ZNF805: variants seen among roughly 807,000 people sequenced by gnomAD.
ZNF805 encodes the protein zinc finger protein 805, also known as CTC-444N24.8.
Under a neutral mutation model 13.6 loss-of-function variants are expected in ZNF805, and 7 were observed. That is an observed-to-expected ratio of 0.51 (90% CI 0.29 to 0.97). ZNF805 has a LOEUF of 0.97. ZNF805 is among the 50% of genes least tolerant of loss of function. ZNF805 has a pLI of 0.08. For synonymous variants in ZNF805, 293 were observed against 279.8 expected, an observed-to-expected ratio of 1.05 and a Z score of -0.47; for missense variants, 604 against 771.0, an observed-to-expected ratio of 0.78 and a Z score of 2.57.
intron 3 of ZNF805, among the ~76,000 whole-genome samples, chr19:57,249,630 A>G (rs895955404): frequency 6.6e-6 from 1 of 151,722 alleles, no homozygotes; most frequent in Non-Finnish European, 1.5e-5. Context: ...TACTCTCCCA[A>G]TTTCTCTTTC....
chr19:57,246,397 G>A (rs1456473793), intron 2 of ZNF805, among the ~76,000 whole-genome samples: 3 of 152,158 alleles, frequency 2.0e-5, no homozygotes, highest in African/African-American at 7.2e-5. Context: ...CTGCCATCAA[G>A]ACAAGTGACT....
rs10404421 is a variant in ZNF805 at position 57,257,787 on chromosome 19, A to T, written c.*3084A>T. ...AGTGGTGCGATCTCCGCTCACTGCA[A>T]CCTCCGCCTCCTGGGTTCAAGTGAT... On this transcript the variant is annotated 3_prime_UTR_variant, in exon 4 of 4. Transcript: ENST00000414468. 7.2e-6 allele frequency among the ~76,000 whole-genome samples: 1 copy of T among 139,152 alleles called. No individual in the cohort carries two copies. Among genetic ancestry groups the T allele is most frequent in the East Asian group, 2.1e-4 (1 of 4,750 alleles). 91.3% of individuals were successfully genotyped at this position (139,152 alleles called of 152,430 possible). A position where few individuals can be genotyped will look rare whatever the true frequency, so the allele number is the denominator to read the frequency against.
chr19:57,246,559 C>T (rs1416921905), intron 2 of ZNF805, among the ~76,000 whole-genome samples: 1 of 152,004 alleles, frequency 6.6e-6, no homozygotes, highest in Non-Finnish European at 1.5e-5. Context: ...AGGCAGATCA[C>T]GAGGTCAGTT....
chr19:57,245,546 G>C (rs34133258), intron 2 of ZNF805, among the ~76,000 whole-genome samples: 3,147 of 150,834 alleles, frequency 0.021, 113 homozygotes, highest in African/African-American at 0.072. Flanking sequence ...TTGGGAGGCC[G>C]AGATGGGCGG....
chr19:57,252,738 C>T (rs1416997408), intron 3 of ZNF805, among the ~76,000 whole-genome samples: 3 of 152,118 alleles, frequency 2.0e-5, no homozygotes, highest in Admixed American at 2.0e-4. Flanking sequence ...CTTTCTGGTG[C>T]CACCAGACCT....
chr19:57,246,255 C>T (rs970656023), intron 2 of ZNF805, among the ~76,000 whole-genome samples: 1 of 152,138 alleles, frequency 6.6e-6, no homozygotes, highest in Non-Finnish European at 1.5e-5. Flanking sequence ...CTCACTGCAA[C>T]CTGTGCCTCC....
chr19:57,252,843 A>G (rs1185856041), intron 3 of ZNF805, among the ~76,000 whole-genome samples: 1 of 151,806 alleles, frequency 6.6e-6, no homozygotes, highest in Non-Finnish European at 1.5e-5. Flanking sequence ...CGATATCTCC[A>G]CTCTAGGCCC....
Position 57,256,680 on chromosome 19 carries a change from G to A in ZNF805, c.*1977G>A, listed in dbSNP as rs2087689157. On this transcript the variant is annotated 3_prime_UTR_variant, in exon 4 of 4. Transcript: ENST00000414468. ...TGTTCCTTGTTGTATTCTTGATATT[G>A]GAAATGTATCACTTATTATTGTCAG... Among the ~76,000 whole-genome samples, 1 of 151,958 alleles carries A rather than the reference G, an allele frequency of 6.6e-6. No individual in the cohort carries two copies. The highest frequency in any genetic ancestry group is 1.5e-5 in the Non-Finnish European group (1 of 67,930).
At position 57,257,620 on chromosome 19, in the gene ZNF805, T is replaced by C. The variant is rs1024436975; in HGVS notation, c.*2917T>C. ...CACTTCATCATTTTTTTAAACCTTA[T>C]CTATATCACTATATTGGGAGTAAGT... On this transcript the variant is annotated 3_prime_UTR_variant, in exon 4 of 4. Transcript: ENST00000414468. Among the ~76,000 whole-genome samples, 3 of 152,038 alleles carry C rather than the reference T, an allele frequency of 2.0e-5. No individual in the cohort carries two copies. The highest frequency in any genetic ancestry group is 7.2e-5 in the African/African-American group (3 of 41,416).
chr19:57,262,083 G>A lies in ZNF805; in HGVS notation c.*7380G>A, dbSNP rs985621436. The A allele has an allele frequency of 6.0e-6, 1 of 166,496 alleles. No individual in the cohort carries two copies. Among genetic ancestry groups the A allele is most frequent in the Non-Finnish European group, 1.5e-5 (1 of 68,110 alleles). 10.3% of individuals were successfully genotyped at this position (166,496 alleles called of 1,614,324 possible). A position where few individuals can be genotyped will look rare whatever the true frequency, so the allele number is the denominator to read the frequency against. ...AGGTGTTCAGCGTAAGACAATTTAG[G>A]CACACGGAGCTACTTCTCATTACTG... is the stretch of plus-strand genomic sequence containing the variant. On this transcript the variant is annotated 3_prime_UTR_variant, in exon 4 of 4. Transcript: ENST00000414468.
At chr19:57,242,903 CTT>C (rs112613573) in intron 1 of ZNF805, among the ~76,000 whole-genome samples, 3 of 152,300 alleles carry the variant, frequency 2.0e-5, no homozygotes, top group African/African-American at 7.2e-5. Flanking sequence ...AATCCTGTCT[CTT>C]ATATATAAAT....
rs1301293231 is a variant in ZNF805, at chr19:57,260,447, T to C, written c.*5744T>C. ...CTAAATGGCTTCCACCACCGTTGCC[T>C]GACTTAAGCACGTCTCAGAAAGGTC... On this transcript the variant is annotated 3_prime_UTR_variant, in exon 4 of 4. Transcript: ENST00000414468. 2.0e-5 allele frequency among the ~76,000 whole-genome samples: 3 copies of C among 152,194 alleles called. No homozygotes were observed. Among genetic ancestry groups the C allele is most frequent in the Non-Finnish European group, 2.9e-5 (2 of 68,042 alleles).
chr19:57,240,835 G>T lies in ZNF805; in HGVS notation c.-57G>T, dbSNP rs2087574355. ...GAAGGGGTGGGGCTCGGCTGAGCCCGCGAGACCCGCCCTGCTCGCCGCAGC... is the reference window on the plus strand; with the variant it reads ...GAAGGGGTGGGGCTCGGCTGAGCCCTCGAGACCCGCCCTGCTCGCCGCAGC... On this transcript the variant is annotated 5_prime_UTR_variant, in exon 1 of 4. Transcript: ENST00000414468. The T allele has an allele frequency of 1.3e-6, 2 of 1,527,400 alleles. No homozygotes were observed. Among genetic ancestry groups the T allele is most frequent in the African/African-American group, 2.8e-5 (2 of 71,956 alleles). 94.6% of individuals were successfully genotyped at this position (1,527,400 alleles called of 1,614,324 possible). A position where few individuals can be genotyped will look rare whatever the true frequency, so the allele number is the denominator to read the frequency against.
chr19:57,248,467 G>A (rs3826971), intron 2 of ZNF805, 138 bp from the exon 3 acceptor site: 136,066 of 738,150 alleles, frequency 0.18, 14,077 homozygotes, highest in African/African-American at 0.34. Context: ...TCTAGATCAC[G>A]TGCTAACTTT....
chr19:57,245,998 T>C (rs4801448), intron 2 of ZNF805, among the ~76,000 whole-genome samples: 129,385 of 152,220 alleles, frequency 0.85, 55,151 homozygotes, highest in African/African-American at 0.91. Context: ...GAGAGACACT[T>C]GAGGAAGTTG....
chr19:57,254,710 C>G lies in ZNF805; in HGVS notation c.*7C>G. ...ACAAGTGTCTTCACTGTGAGAAAAC[C>G]TTCTGTTGCCAAATGTCATTTGTCA... On this transcript the variant is annotated 3_prime_UTR_variant, in exon 4 of 4. Transcript: ENST00000414468. 6.3e-7 allele frequency: 1 copy of G among 1,595,844 alleles called. No individual in the cohort carries two copies. The highest frequency in any genetic ancestry group is 8.5e-7 in the Non-Finnish European group (1 of 1,171,226).
chr19:57,241,167 A>C (rs1157204844), intron 1 of ZNF805, among the ~76,000 whole-genome samples: 3 of 152,050 alleles, frequency 2.0e-5, no homozygotes, highest in Non-Finnish European at 4.4e-5. Flanking sequence ...TTTTGTAGCA[A>C]CCTGCCCAGG....
chr19:57,254,557 C>G lies in ZNF805; in HGVS notation c.1738C>G (p.Gln580Glu). 1 of 1,614,184 alleles carries G rather than the reference C, an allele frequency of 6.2e-7. No homozygotes were observed. Among genetic ancestry groups the G allele is most frequent in the Non-Finnish European group, 8.5e-7 (1 of 1,180,036 alleles). The part of the protein sequence containing the change: ...TDVGRPFTSG[Q>E]TSVNIQELLL... Reference sequence around the variant, plus strand: ...TGTGGGAAGACCTTTTACAAGTGGGCAGACCTCAGTCAACATCCAAGAACT... The same window carrying G: ...TGTGGGAAGACCTTTTACAAGTGGGGAGACCTCAGTCAACATCCAAGAACT... The change falls in exon 4 of 4, where the codon CAG (glutamine) becomes GAG (glutamate). Residue 580 changes from glutamine to glutamate, a missense_variant. Physicochemically the swap from Gln to Glu is conservative, Grantham distance 29. This residue lies in a region of ZNF805 where 228 missense variants were observed against 352.8 expected (regional missense o/e 0.65). Transcript: ENST00000414468.
At chr19:57,252,667 T>G (rs1333193722) in intron 3 of ZNF805, among the ~76,000 whole-genome samples, 1 of 152,214 alleles carries the variant, frequency 6.6e-6, no homozygotes, top group Non-Finnish European at 1.5e-5. Context: ...CTTCGTCCCT[T>G]TTCCAGAGTT....
Sources: gnomAD v4.1 joint callset for allele counts (sites outside exome capture counted in the v4.1 genomes callset) on GRCh38, gnomAD v4.1.1 for gene constraint, gnomAD v4.1.1 regional missense constraint, MANE v1.5 for transcripts, NCBI Gene and HGNC (gene_info 2026-07-23, HGNC 2026-07-21) for gene names.